Variants in TSGA10 observed in about 807,000 individuals in gnomAD.
TSGA10 encodes testis specific 10.
Under a neutral mutation model 96.6 loss-of-function variants are expected in TSGA10, and 43 were observed. That is an observed-to-expected ratio of 0.44 (90% confidence interval 0.35 to 0.57). The LOEUF (loss-of-function observed/expected upper bound fraction) is 0.57. Among genes scored for constraint, TSGA10 ranks in the 20% least tolerant of loss-of-function variants. TSGA10 has a pLI of 0.01. For synonymous variants in TSGA10, 229 were observed against 269.9 expected, an observed-to-expected ratio of 0.85 and a Z score of 1.48; for missense variants, 703 against 834.4, an observed-to-expected ratio of 0.84 and a Z score of 1.94.
At chr2:99,149,678 G>A (rs975766329) in intron 1 of TSGA10, among the ~76,000 whole-genome samples, 4 of 151,080 alleles carry the variant, frequency 2.6e-5, no homozygotes, top group South Asian at 2.1e-4. Context: ...TCCTGACCTC[G>A]TGATCCACCC....
intron 10 of TSGA10, among the ~76,000 whole-genome samples, chr2:99,089,449 GGGT>G (rs1392676617): frequency 6.6e-6 from 1 of 152,174 alleles, no homozygotes; most frequent in African/African-American, 2.4e-5. Context: ...CAGGCAGGAG[GGGT>G]GGCACAAAAC....
intron 1 of TSGA10, among the ~76,000 whole-genome samples, chr2:99,127,561 T>C (rs2092894167): frequency 1.3e-5 from 2 of 152,120 alleles, no homozygotes; most frequent in Non-Finnish European, 2.9e-5. Flanking sequence ...TCACAAAGAG[T>C]GAATTTCCTG....
At chr2:99,051,834 GA>G (rs2083424684) in intron 16 of TSGA10, among the ~76,000 whole-genome samples, 1 of 151,408 alleles carries the variant, frequency 6.6e-6, no homozygotes, top group Non-Finnish European at 1.5e-5. Flanking sequence ...AAAAAAAGGG[GA>G]AACTAACAAA....
At position 99,109,428 on chromosome 2, in the gene TSGA10, A is replaced by G; in HGVS notation, c.12T>C (p.Ser4=). 1 of 1,614,026 alleles carries G rather than the reference A, an allele frequency of 6.2e-7. No individual in the cohort carries two copies. The highest frequency in any genetic ancestry group is 8.5e-7 in the Non-Finnish European group (1 of 1,179,902). Residue 4 remains serine (S), a synonymous_variant, in exon 6 of 21, where the codon AGT becomes AGC. Coordinates refer to ENST00000393483, the MANE Select transcript of TSGA10 (RefSeq NM_025244.4). ...ATGGGCGTCTTGGACTTTTAGACCT[A>G]CTTCGCATCATCTTTCTCAAATGTT... MMR[S]RSKSPRRPSP...
intron 16 of TSGA10, among the ~76,000 whole-genome samples, chr2:99,058,910 A>G (rs10201090): frequency 0.44 from 65,716 of 150,732 alleles, 17,051 homozygotes; most frequent in African/African-American, 0.73. Flanking sequence ...AGTGGTGGGC[A>G]CCTGTAATCC....
intron 10 of TSGA10, among the ~76,000 whole-genome samples, chr2:99,101,407 A>G (rs2090717417): frequency 6.6e-6 from 1 of 151,974 alleles, no homozygotes; most frequent in Non-Finnish European, 1.5e-5. Context: ...GCCTCAAGTA[A>G]TCCTCCTCCC....
At chr2:99,103,722 T>C (rs548021950) in intron 10 of TSGA10, among the ~76,000 whole-genome samples, 1 of 152,288 alleles carries the variant, frequency 6.6e-6, no homozygotes, top group East Asian at 1.9e-4. Context: ...CAGTTAAAAG[T>C]TGAAGTTTTT....
chr2:99,054,833 T>C (rs1231804899), intron 16 of TSGA10, among the ~76,000 whole-genome samples: 1 of 152,166 alleles, frequency 6.6e-6, no homozygotes, highest in East Asian at 1.9e-4. Context: ...TTGGAATGGC[T>C]ATTACAAGAA....
intron 1 of TSGA10, among the ~76,000 whole-genome samples, chr2:99,133,413 CT>C (rs560322923): frequency 5.3e-5 from 8 of 151,802 alleles, no homozygotes; most frequent in Admixed American, 2.0e-4. Flanking sequence ...GCAACCCCTG[CT>C]TTTTTTTGCT....
chr2:99,026,578 C>A (rs1456358422), intron 17 of TSGA10, among the ~76,000 whole-genome samples: 5 of 152,004 alleles, frequency 3.3e-5, no homozygotes, highest in African/African-American at 1.2e-4. Flanking sequence ...TGCCACCACG[C>A]CTGGCTAATT....
intron 4 of TSGA10, among the ~76,000 whole-genome samples, chr2:99,111,560 A>G (rs2091820215): frequency 6.6e-6 from 1 of 152,112 alleles, no homozygotes. Flanking sequence ...CTTGCCTACT[A>G]CATTTTTAAT....
At chr2:99,075,504 A>T (rs1353360715) in intron 12 of TSGA10, among the ~76,000 whole-genome samples, 2 of 152,192 alleles carry the variant, frequency 1.3e-5, no homozygotes, top group African/African-American at 4.8e-5. Flanking sequence ...AAATCACTTT[A>T]TTCACTATAA....
chr2:99,064,935 T>C lies in TSGA10; in HGVS notation c.1404+4A>G, dbSNP rs750381412. On this transcript the variant is annotated splice_donor_region_variant and intron_variant, in intron 16 of 20. Transcript: ENST00000393483. ...GTATTATAAGCATATTTTTCCAAAC[T>C]TACTTGCTCAACCTCTCTGTTGAGG... 1.3e-6 allele frequency: 2 copies of C among 1,570,290 alleles called. No individual in the cohort carries two copies. Among genetic ancestry groups the C allele is most frequent in the Non-Finnish European group, 1.7e-6 (2 of 1,161,790 alleles).
intron 2 of TSGA10, among the ~76,000 whole-genome samples, chr2:99,123,676 T>C (rs1167284070): frequency 6.6e-6 from 1 of 152,198 alleles, no homozygotes. Context: ...TCTGTACCCA[T>C]TAAACAACAA....
At chr2:99,075,213 T>A (rs1439020597) in intron 12 of TSGA10, among the ~76,000 whole-genome samples, 1 of 152,202 alleles carries the variant, frequency 6.6e-6, no homozygotes, top group Non-Finnish European at 1.5e-5. Flanking sequence ...CTAAGATGTA[T>A]TCCTTGTACA....
chr2:99,092,882 A>G (rs2089517972), intron 10 of TSGA10, among the ~76,000 whole-genome samples: 1 of 152,084 alleles, frequency 6.6e-6, no homozygotes, highest in Non-Finnish European at 1.5e-5. Flanking sequence ...TAAAGAGGGA[A>G]TTTTCCCTAA....
chr2:99,081,227 C>G, intron 11 of TSGA10, 55 bp downstream of exon 11: 1 of 1,033,258 alleles, frequency 9.7e-7, no homozygotes, highest in Non-Finnish European at 1.4e-6. Context: ...GAAAATACAT[C>G]TTTGCTACCA....
intron 1 of TSGA10, chr2:99,141,229 C>T (rs1438656050): frequency 7.6e-6 from 8 of 1,054,848 alleles, no homozygotes; most frequent in Non-Finnish European, 9.7e-6. Context: ...TTCCCACCCC[C>T]AAATCGTCCT....
intron 16 of TSGA10, among the ~76,000 whole-genome samples, 161 bp downstream of exon 16, chr2:99,064,778 G>A (rs2085078510): frequency 6.6e-6 from 1 of 152,158 alleles, no homozygotes; most frequent in Non-Finnish European, 1.5e-5. Flanking sequence ...ATAAGAGATT[G>A]TAGAAGAATC....
Sources: allele counts gnomAD v4.1 joint callset (sites outside exome capture counted in the v4.1 genomes callset), GRCh38; gene constraint gnomAD v4.1.1; transcripts MANE v1.5; gene names NCBI Gene and HGNC (gene_info 2026-07-23, HGNC 2026-07-21).